The following SOX5 variants were observed in gnomAD, a reference collection of about 807,000 sequenced individuals.
SOX5 encodes the protein SRY-box transcription factor 5.
A neutral mutation model predicts 92.0 loss-of-function variants in SOX5; 9 were observed. That is an observed-to-expected ratio of 0.10 (90% CI 0.06 to 0.17). SOX5 has a LOEUF of 0.17. Ranked by LOEUF, SOX5 falls within the 10% of genes least tolerant of loss-of-function variation. The pLI, the probability that SOX5 is intolerant of heterozygous loss-of-function variation, is 1.00. For synonymous variants in SOX5, 344 were observed against 336.3 expected, an observed-to-expected ratio of 1.02 and a Z score of -0.25; for missense variants, 642 against 944.5, an observed-to-expected ratio of 0.68 and a Z score of 4.20.
intron 8 of SOX5, 113 bp downstream of exon 8, chr12:23,640,699 A>G: frequency 1.3e-6 from 1 of 742,028 alleles, no homozygotes. Context: ...AAATTTAAAA[A>G]CAGAAAGTGT....
upstream of SOX5, among the ~76,000 whole-genome samples, chr12:23,955,529 C>T (rs1946188019): frequency 6.6e-6 from 1 of 152,152 alleles, no homozygotes; most frequent in Admixed American, 6.5e-5. Context: ...AACGGAATTT[C>T]TGTCTTATAG....
chr12:23,805,182 G>T (rs1301833140), intron 3 of SOX5, among the ~76,000 whole-genome samples: 1 of 151,468 alleles, frequency 6.6e-6, no homozygotes, highest in African/African-American at 2.4e-5. Flanking sequence ...AAATAATATA[G>T]TGTAATAGTT....
At chr12:23,970,614 T>C (rs908447416) in intron 4 of SOX5, among the ~76,000 whole-genome samples, 5 of 151,434 alleles carry the variant, frequency 3.3e-5, no homozygotes, top group African/African-American at 9.7e-5. Context: ...TGTAGTAACA[T>C]GTATAATTGT....
chr12:24,317,817 A>G (rs963569270), intron 2 of SOX5, among the ~76,000 whole-genome samples: 2 of 152,136 alleles, frequency 1.3e-5, no homozygotes, highest in Admixed American at 6.5e-5. Flanking sequence ...AACACTCTCA[A>G]TGCTTTACTC....
At chr12:23,884,011 A>T (rs1277719270) in intron 2 of SOX5, among the ~76,000 whole-genome samples, 1 of 152,112 alleles carries the variant, frequency 6.6e-6, no homozygotes, top group East Asian at 1.9e-4. Context: ...TAGGTTACTT[A>T]AATTTATAAG....
intron 1 of SOX5, among the ~76,000 whole-genome samples, chr12:24,429,717 C>G (rs543882388): frequency 6.6e-6 from 1 of 152,094 alleles, no homozygotes; most frequent in East Asian, 1.9e-4. Context: ...TTTTGTAGAT[C>G]ATTCAATATG....
chr12:23,590,107 A>C (rs1951318048), intron 9 of SOX5, among the ~76,000 whole-genome samples: 1 of 151,960 alleles, frequency 6.6e-6, no homozygotes, highest in Admixed American at 6.6e-5. Flanking sequence ...AAAAGAGAGA[A>C]AAGTGAAATG....
At chr12:24,120,413 G>A (rs1347496345) in intron 4 of SOX5, among the ~76,000 whole-genome samples, 4 of 152,118 alleles carry the variant, frequency 2.6e-5, no homozygotes, top group African/African-American at 7.2e-5. Context: ...ACTTTACACT[G>A]GCCATCTTGT....
At chr12:24,182,821 C>G (rs1365325214) in intron 4 of SOX5, among the ~76,000 whole-genome samples, 1 of 152,184 alleles carries the variant, frequency 6.6e-6, no homozygotes, top group African/African-American at 2.4e-5. Context: ...TCAAGCAATT[C>G]TCTTGCCTCA....
chr12:23,920,711 T>A (rs999726163), intron 1 of SOX5: 1 of 152,166 alleles, frequency 6.6e-6, no homozygotes, highest in African/African-American at 2.4e-5. Context: ...AAAAGAAGTA[T>A]GTTAGTGGAG....
intron 1 of SOX5, among the ~76,000 whole-genome samples, chr12:24,434,607 G>C (rs889999886): frequency 6.6e-6 from 1 of 152,140 alleles, no homozygotes; most frequent in Non-Finnish European, 1.5e-5. Flanking sequence ...GATCATGGGG[G>C]CAGTTTCTCA....
chr12:24,272,541 C>T (rs1943895159), intron 3 of SOX5, among the ~76,000 whole-genome samples: 1 of 152,058 alleles, frequency 6.6e-6, no homozygotes, highest in South Asian at 2.1e-4. Context: ...TTCCTCCCTG[C>T]TTTTAGTTTT....
intron 11 of SOX5, among the ~76,000 whole-genome samples, chr12:23,553,670 A>G (rs1435474185): frequency 6.6e-6 from 1 of 152,094 alleles, no homozygotes; most frequent in Non-Finnish European, 1.5e-5. Flanking sequence ...TACTGAGTCA[A>G]ATCAGAAGGG....
At chr12:23,998,788 G>A (rs1333960941) in intron 4 of SOX5, among the ~76,000 whole-genome samples, 1 of 140,234 alleles carries the variant, frequency 7.1e-6, no homozygotes, top group Non-Finnish European at 1.5e-5. Context: ...GTAACAAGGT[G>A]GTGAGACTCA....
At chr12:23,871,084 CCTCAAAAAATA>C (rs2096867892) in intron 2 of SOX5, among the ~76,000 whole-genome samples, 1 of 151,782 alleles carries the variant, frequency 6.6e-6, no homozygotes, top group African/African-American at 2.4e-5. Flanking sequence ...GTATATTTTT[CCTCAAAAAATA>C]ATGAGCAATA....
At chr12:23,672,519 AC>A (rs2084963689) in intron 6 of SOX5, among the ~76,000 whole-genome samples, 1 of 152,162 alleles carries the variant, frequency 6.6e-6, no homozygotes, top group South Asian at 2.1e-4. Flanking sequence ...AAGCAGCACC[AC>A]AGAGAGGTGA....
chr12:24,160,452 T>G lies in SOX5; in HGVS notation c.-2+52891A>C, dbSNP rs1185728742. ...TTACATTGCATTCTATATGCAACAT[T>G]GGGCCATTAAATATTTATAATCAAT... is the stretch of plus-strand genomic sequence containing the variant. On this transcript the variant is annotated intron_variant, in intron 4 of 4. Coordinates refer to the SOX5 transcript ENST00000446891. Among the ~76,000 whole-genome samples the G allele has an allele frequency of 2.0e-5, 3 of 152,086 alleles. No homozygotes were observed. The East Asian group carries it at 5.8e-4, about 29-fold the overall frequency.
chr12:23,560,964 A>G (rs1266051552), intron 11 of SOX5, among the ~76,000 whole-genome samples: 1 of 152,198 alleles, frequency 6.6e-6, no homozygotes, highest in Non-Finnish European at 1.5e-5. Flanking sequence ...AGAGTTTGCC[A>G]TACTACTACA....
chr12:24,470,556 G>C (rs1944700398), intron 1 of SOX5, among the ~76,000 whole-genome samples: 1 of 151,872 alleles, frequency 6.6e-6, no homozygotes, highest in African/African-American at 2.4e-5. Context: ...GAACTAGAAA[G>C]GGGCTGGGGG....
Sources: gnomAD v4.1 joint callset for allele counts (sites outside exome capture counted in the v4.1 genomes callset) on GRCh38, gnomAD v4.1.1 for gene constraint, MANE v1.5 for transcripts, NCBI Gene and HGNC (gene_info 2026-07-23, HGNC 2026-07-21) for gene names.